ANO6: variants seen among roughly 807,000 people sequenced by gnomAD.
ANO6 encodes anoctamin-6.
In ANO6, 106 loss-of-function variants were observed where a neutral mutation model predicts 117.5. The observed-to-expected ratio is 0.90, with a 90% confidence interval of 0.77 to 1.06. The LOEUF (loss-of-function observed/expected upper bound fraction) is 1.06. ANO6 is among the 50% of genes least tolerant of loss of function. ANO6 has a pLI of 0.00. For missense variants in ANO6, 955 were observed against 1,121.1 expected (o/e 0.85, Z 2.12); for synonymous variants, 367 against 385.1 (o/e 0.95, Z 0.55).
chr12:45,228,814 A>G (rs565089167), intron 1 of ANO6, among the ~76,000 whole-genome samples: 5 of 152,296 alleles, frequency 3.3e-5, no homozygotes, highest in Non-Finnish European at 5.9e-5. Context: ...CCAGTTGTCA[A>G]CTGTTGTGTA....
intron 3 of ANO6, among the ~76,000 whole-genome samples, chr12:45,343,913 T>TC: frequency 6.6e-6 from 1 of 150,906 alleles, no homozygotes; most frequent in Non-Finnish European, 1.5e-5. Context: ...TGGCCTGGCT[T>TC]TGCATCACTA....
At chr12:45,294,124 A>G (rs150438363) in intron 1 of ANO6, among the ~76,000 whole-genome samples, 2 of 152,274 alleles carry the variant, frequency 1.3e-5, no homozygotes, top group African/African-American at 4.8e-5. Flanking sequence ...GAAAATAAGA[A>G]GGATATAATT....
In ANO6 at chr12:45,322,053, C is replaced by A. The variant is rs572107631; in HGVS notation, c.151-9242C>A. Among the ~76,000 whole-genome samples, 15 of 152,090 alleles carry A rather than the reference C, an allele frequency of 9.9e-5. No individual in the cohort carries two copies. In the South Asian group the frequency reaches 3.1e-3, roughly 32 times the overall value. On this transcript the variant is annotated intron_variant, in intron 2 of 19. Coordinates refer to ENST00000320560, the MANE Select transcript of ANO6 (RefSeq NM_001025356.3). ...CTAAGGTGCTGGCAGTTTTACCCACCATGACTTTTGCACCATCATTGCAGA... is the reference window on the plus strand; with the variant it reads ...CTAAGGTGCTGGCAGTTTTACCCACAATGACTTTTGCACCATCATTGCAGA...
chr12:45,223,238 C>T (rs1159008941), intron 1 of ANO6, among the ~76,000 whole-genome samples: 4 of 152,110 alleles, frequency 2.6e-5, no homozygotes, highest in Non-Finnish European at 5.9e-5. Context: ...TAAAATGACC[C>T]GGGGCTTGTG....
In ANO6 at chr12:45,255,818, G is replaced by GTTTTT. The variant is rs551517877; in HGVS notation, c.70+39443_70+39447dup. 2.9e-4 allele frequency among the ~76,000 whole-genome samples: 24 copies of GTTTTT among 81,686 alleles called. 1 individual carries two copies. Among genetic ancestry groups the GTTTTT allele is most frequent in the East Asian group, 1.4e-3 (4 of 2,816 alleles). The allele number at this position is 81,686 out of a possible 152,430, so 53.6% of individuals were successfully genotyped here. On this transcript the variant is annotated intron_variant, in intron 1 of 19. Coordinates refer to ENST00000320560, the MANE Select transcript of ANO6 (RefSeq NM_001025356.3). ...CTGGCCCCAGGTTTTCTCCCTGGGT[G>GTTTTT]TTTTTTTTTTTTTTTTTTTTGAGAC...
At chr12:45,363,489 G>A (rs576877813) in intron 8 of ANO6, among the ~76,000 whole-genome samples, 16 of 151,806 alleles carry the variant, frequency 1.1e-4, no homozygotes, top group South Asian at 2.1e-4. Context: ...GCTTGAACCC[G>A]GGAGGCGGAG....
intron 1 of ANO6, among the ~76,000 whole-genome samples, chr12:45,270,185 C>T (rs549293469): frequency 6.6e-6 from 1 of 152,300 alleles, no homozygotes; most frequent in South Asian, 2.1e-4. Flanking sequence ...GCACTGAGGT[C>T]CCACCACCTG....
At chr12:45,405,959 AC>A (rs1163485012) in intron 15 of ANO6, among the ~76,000 whole-genome samples, 1 of 151,576 alleles carries the variant, frequency 6.6e-6, no homozygotes, top group Non-Finnish European at 1.5e-5. Flanking sequence ...AACTATACCC[AC>A]CCCCCAAAAA....
chr12:45,422,841 T>C, intron 18 of ANO6, 116 bp from the exon 19 acceptor site: 1 of 806,490 alleles, frequency 1.2e-6, no homozygotes, highest in South Asian at 1.4e-5. Context: ...CCCAAAGTGC[T>C]AGGATTACAG....
chr12:45,432,135 T>G lies in ANO6; in HGVS notation c.*2824T>G, dbSNP rs550630706. The G allele has an allele frequency of 9.1e-6, 9 of 985,412 alleles. No individual in the cohort carries two copies. The Admixed American group carries it at 4.3e-4, about 47-fold the overall frequency. The allele number at this position is 985,412 out of a possible 1,614,324, so 61.0% of individuals were successfully genotyped here. ...CTTCTTGTACCATTTTATGTTCATATTATGTTTGAGAGGGTAAAAATGTAT... is the reference window on the plus strand; with the variant it reads ...CTTCTTGTACCATTTTATGTTCATAGTATGTTTGAGAGGGTAAAAATGTAT... On this transcript the variant is annotated 3_prime_UTR_variant, in exon 20 of 20. Transcript: ENST00000320560.
intron 9 of ANO6, among the ~76,000 whole-genome samples, chr12:45,374,039 G>C (rs1157343007): frequency 6.6e-6 from 1 of 151,964 alleles, no homozygotes; most frequent in African/African-American, 2.4e-5. Context: ...CGATCCCACA[G>C]AAATACAAAC....
intron 1 of ANO6, among the ~76,000 whole-genome samples, chr12:45,300,236 C>T (rs1565673700): frequency 6.6e-6 from 1 of 152,160 alleles, no homozygotes. Flanking sequence ...GGCTAGAGTG[C>T]AGCTGCATGA....
chr12:45,233,738 A>AG (rs946499905), intron 1 of ANO6, among the ~76,000 whole-genome samples: 9 of 152,312 alleles, frequency 5.9e-5, no homozygotes. Context: ...CAAGAGATGG[A>AG]GGACATTTCC....
intron 8 of ANO6, among the ~76,000 whole-genome samples, chr12:45,365,971 A>C (rs1452341060): frequency 1.3e-5 from 2 of 152,200 alleles, no homozygotes; most frequent in Admixed American, 6.5e-5. Flanking sequence ...TTACTCAGCT[A>C]TTCTAGGAAA....
intron 17 of ANO6, 24 bp from the exon 18 acceptor site, chr12:45,421,047 C>T (rs752406753): frequency 5.6e-6 from 9 of 1,611,066 alleles, no homozygotes; most frequent in African/African-American, 4.0e-5. Flanking sequence ...ACTTCATTTT[C>T]GCTTTGTTTT....
chr12:45,320,484 C>T (rs1270571045), intron 2 of ANO6, among the ~76,000 whole-genome samples: 10 of 152,006 alleles, frequency 6.6e-5, no homozygotes, highest in South Asian at 6.2e-4. Flanking sequence ...GTCTGAGAGA[C>T]AGTTTGTTAT....
chr12:45,307,473 A>T (rs775009732), intron 2 of ANO6, among the ~76,000 whole-genome samples: 1 of 152,172 alleles, frequency 6.6e-6, no homozygotes, highest in Non-Finnish European at 1.5e-5. Context: ...TGGAAGGAGC[A>T]GTTTGGGGAG....
chr12:45,304,146 G>C (rs1241616105), intron 2 of ANO6, among the ~76,000 whole-genome samples: 1 of 151,986 alleles, frequency 6.6e-6, no homozygotes, highest in Non-Finnish European at 1.5e-5. Flanking sequence ...CATCAGCTTA[G>C]CCAGTGTACT....
rs1406297169 is a variant in ANO6, at chr12:45,348,041, A to G, written c.359A>G (p.Lys120Arg). The G allele has an allele frequency of 6.2e-7, 1 of 1,613,714 alleles. No individual in the cohort carries two copies. Among genetic ancestry groups the G allele is most frequent in the Admixed American group, 1.7e-5 (1 of 59,968 alleles). The change falls in exon 5 of 20, where the codon AAG (lysine) becomes AGG (arginine). Residue 120 changes from lysine (K) to arginine (R), a missense_variant. By Grantham distance (26) the Lys-to-Arg change is conservative (BLOSUM62 2). Coordinates refer to ENST00000320560, the MANE Select transcript of ANO6 (RefSeq NM_001025356.3). ...LEATRSVLDD[K>R]LVFVKVHAPW... ...TTTCCAATATAGGTATTGGATGACAAGCTTGTATTTGTAAAAGTACACGCA... is the reference window on the plus strand; with the variant it reads ...TTTCCAATATAGGTATTGGATGACAGGCTTGTATTTGTAAAAGTACACGCA...
Sources: allele counts gnomAD v4.1 joint callset (sites outside exome capture counted in the v4.1 genomes callset), GRCh38; gene constraint gnomAD v4.1.1; transcripts MANE v1.5; gene names NCBI Gene and HGNC (gene_info 2026-07-23, HGNC 2026-07-21).